Variants in TEK observed in about 807,000 individuals in gnomAD.
TEK encodes the protein TEK receptor tyrosine kinase, also known as angiopoietin-1 receptor.
Under a neutral mutation model 131.8 loss-of-function variants are expected in TEK, and 43 were observed. The ratio of observed to expected loss-of-function variants is 0.33; its 90% CI spans 0.26 to 0.42. TEK has a LOEUF of 0.42. Among genes scored for constraint, TEK ranks in the 10% least tolerant of loss-of-function variants. The probability of loss-of-function intolerance (pLI) is 1.00; values close to 1 mark genes in which losing one functional copy is unlikely to be tolerated. For missense variants in TEK, 1,162 were observed against 1,384.4 expected, an observed-to-expected ratio of 0.84 and a Z score of 2.55; for synonymous variants, 580 against 491.6, an observed-to-expected ratio of 1.18 and a Z score of -2.38.
At chr9:27,129,398 C>T (rs772929589) in intron 1 of TEK, among the ~76,000 whole-genome samples, 3 of 152,108 alleles carry the variant, frequency 2.0e-5, no homozygotes, top group Non-Finnish European at 4.4e-5. Context: ...CTTTCCAGTT[C>T]CCAGCCTACT....
chr9:27,193,950 G>C (rs1824918487), intron 11 of TEK, among the ~76,000 whole-genome samples: 1 of 152,060 alleles, frequency 6.6e-6, no homozygotes, highest in African/African-American at 2.4e-5. Flanking sequence ...GGGACTACAG[G>C]CACACCACCA....
At chr9:27,222,964 G>A (rs1826148900) in intron 21 of TEK, among the ~76,000 whole-genome samples, 2 of 151,980 alleles carry the variant, frequency 1.3e-5, no homozygotes, top group South Asian at 2.1e-4. Flanking sequence ...AAAAAGCAGG[G>A]GTTGCAATCC....
rs1586992195 is a variant in TEK at position 27,190,800 on chromosome 9, G to A, written c.1489+110G>A. On this transcript the variant is annotated intron_variant, in intron 10 of 22. Coordinates refer to ENST00000380036, the MANE Select transcript of TEK (RefSeq NM_000459.5). ...CTGCCTCAATCCTCTACCTCAAGGTGGTGGCTGTTGCAGAGGATTCTGTTT... is the reference window on the plus strand; with the variant it reads ...CTGCCTCAATCCTCTACCTCAAGGTAGTGGCTGTTGCAGAGGATTCTGTTT... 2.0e-6 allele frequency: 3 copies of A among 1,463,886 alleles called. 1 individual carries two copies. Among genetic ancestry groups the A allele is most frequent in the Middle Eastern group, 1.8e-4 (1 of 5,602 alleles). 90.7% of individuals were successfully genotyped at this position (1,463,886 alleles called of 1,614,324 possible).
intron 6 of TEK, among the ~76,000 whole-genome samples, chr9:27,178,690 A>C (rs1824256632): frequency 6.6e-6 from 1 of 152,278 alleles, no homozygotes; most frequent in South Asian, 2.1e-4. Context: ...CAGTTGACCA[A>C]AATAAGGACA....
In TEK at chr9:27,157,835, T is replaced by C. The variant is rs1430969702; in HGVS notation, c.57T>C (p.Thr19=). ...ATTGTCTCTCTTTCCTTTTAGGAACTGTGGAAGGTGCCATGGACTTGATCT... is the reference window on the plus strand; with the variant it reads ...ATTGTCTCTCTTTCCTTTTAGGAACCGTGGAAGGTGCCATGGACTTGATCT... ...LCGVSLLLSG[T]VEGAMDLILI... Residue 19 remains threonine (T), a synonymous_variant, in exon 2 of 23, where the codon ACT becomes ACC. Coordinates refer to ENST00000380036, the MANE Select transcript of TEK (RefSeq NM_000459.5). The C allele has an allele frequency of 1.2e-6, 2 of 1,614,080 alleles. No individual in the cohort carries two copies. The highest frequency in any genetic ancestry group is 1.1e-5 in the South Asian group (1 of 91,082).
intron 1 of TEK, among the ~76,000 whole-genome samples, chr9:27,133,713 G>A (rs1381584341): frequency 6.6e-6 from 1 of 152,194 alleles, no homozygotes; most frequent in Non-Finnish European, 1.5e-5. Flanking sequence ...CATGGATGGT[G>A]AGGGTGAGAC....
chr9:27,186,108 A>C (rs915531163), intron 9 of TEK, among the ~76,000 whole-genome samples: 2 of 152,206 alleles, frequency 1.3e-5, no homozygotes, highest in Non-Finnish European at 2.9e-5. Context: ...TTACTCACTT[A>C]ATAAGAAGCC....
At chr9:27,228,376 C>T (rs1002932302) in intron 22 of TEK, 71 bp downstream of exon 22, 38 of 1,220,656 alleles carry the variant, frequency 3.1e-5, no homozygotes, top group Admixed American at 2.6e-4. Flanking sequence ...TCATAAAAAA[C>T]ATTGAAATAA....
chr9:27,223,871 G>A (rs1826191520), intron 21 of TEK, among the ~76,000 whole-genome samples: 1 of 152,052 alleles, frequency 6.6e-6, no homozygotes, highest in African/African-American at 2.4e-5. Context: ...CTGCTAGCCA[G>A]ACTAATGAAG....
intron 6 of TEK, among the ~76,000 whole-genome samples, chr9:27,174,111 G>A (rs1459468369): frequency 2.6e-5 from 4 of 152,144 alleles, no homozygotes; most frequent in African/African-American, 7.2e-5. Context: ...GCTCTGTGGA[G>A]TGCATCTGAC....
In TEK at chr9:27,226,424, C is replaced by A. The variant is rs531373451; in HGVS notation, c.3201-1782C>A. 2.0e-5 allele frequency among the ~76,000 whole-genome samples: 3 copies of A among 152,312 alleles called. No individual in the cohort carries two copies. The East Asian group carries it at 5.8e-4, about 29-fold the overall frequency. On this transcript the variant is annotated intron_variant, in intron 21 of 22. Transcript: ENST00000380036. ...CCATAAGAAAGGATGAGTTCTTGTC[C>A]TTTGGACGGACATGGATGAAGCTGG...
intron 6 of TEK, among the ~76,000 whole-genome samples, chr9:27,179,824 C>G (rs1182816851): frequency 1.3e-5 from 2 of 152,154 alleles, no homozygotes; most frequent in Non-Finnish European, 2.9e-5. Flanking sequence ...GGCCAGTAGA[C>G]TGCAGGTTTT....
chr9:27,117,496 C>G (rs988903656), intron 1 of TEK, among the ~76,000 whole-genome samples: 5 of 152,168 alleles, frequency 3.3e-5, no homozygotes, highest in Non-Finnish European at 5.9e-5. Context: ...CCCCATTGTC[C>G]CCTTGTGTGC....
chr9:27,112,736 A>T (rs965146339), intron 1 of TEK, among the ~76,000 whole-genome samples: 1 of 152,192 alleles, frequency 6.6e-6, no homozygotes, highest in Admixed American at 6.5e-5. Context: ...GAGCTCACAG[A>T]ATCAGGATTT....
chr9:27,149,884 G>A (rs12348312), intron 1 of TEK, among the ~76,000 whole-genome samples: 8,032 of 152,138 alleles, frequency 0.053, 736 homozygotes, highest in African/African-American at 0.18. Flanking sequence ...TTCCCATACC[G>A]GGTATCCTGG....
Position 27,172,603 on chromosome 9 carries a change from T to G in TEK, c.629-13T>G, listed in dbSNP as rs1244369053. 1 of 1,613,246 alleles carries G rather than the reference T, an allele frequency of 6.2e-7. No individual in the cohort carries two copies. The highest frequency in any genetic ancestry group is 8.5e-7 in the Non-Finnish European group (1 of 1,179,352). Reference sequence around the variant, plus strand: ...CGCTCTACTCACCACAGCCTTGTTTTCCTTAACAAAAGGATGTGAAGCCCA... The same window carrying G: ...CGCTCTACTCACCACAGCCTTGTTTGCCTTAACAAAAGGATGTGAAGCCCA... On this transcript the variant is annotated splice_polypyrimidine_tract_variant and intron_variant, in intron 4 of 22. Coordinates refer to ENST00000380036, the MANE Select transcript of TEK (RefSeq NM_000459.5).
At position 27,197,370 on chromosome 9, in the gene TEK, T is replaced by G. The variant is rs35357088; in HGVS notation, c.1680T>G (p.Asn560Lys). Reference protein sequence around the residue: ...NLLPKSQTTLNLTWQPIFPSS... With the variant: ...NLLPKSQTTLKLTWQPIFPSS... ...TGCCTAAAAGTCAGACCACTCTAAATTTGACCTGGCAACCAATATTTCCAA... is the reference window on the plus strand; with the variant it reads ...TGCCTAAAAGTCAGACCACTCTAAAGTTGACCTGGCAACCAATATTTCCAA... Residue 560 changes from asparagine to lysine, a missense_variant, in exon 12 of 23, where the codon AAT (asparagine) becomes AAG (lysine). Physicochemically the swap from Asn to Lys is moderately conservative, Grantham distance 94 (BLOSUM62 0). This residue lies in a region of TEK where 477 missense variants were observed against 471.0 expected (regional missense o/e 1.01). Coordinates refer to ENST00000380036, the MANE Select transcript of TEK (RefSeq NM_000459.5). 6.2e-7 allele frequency: 1 copy of G among 1,614,074 alleles called. No individual in the cohort carries two copies. The highest frequency in any genetic ancestry group is 8.5e-7 in the Non-Finnish European group (1 of 1,179,978).
rs10700803 is a variant in TEK at position 27,123,052 on chromosome 9, C to CAAAAAA, written c.52+13431_52+13436dup. Among the ~76,000 whole-genome samples, 28 of 34,710 alleles carry CAAAAAA rather than the reference C, an allele frequency of 8.1e-4. 6 individuals carry two copies. Among genetic ancestry groups the CAAAAAA allele is most frequent in the African/African-American group, 3.3e-3 (23 of 7,014 alleles). The allele number at this position is 34,710 out of a possible 152,430, so 22.8% of individuals were successfully genotyped here. On this transcript the variant is annotated intron_variant, in intron 1 of 22. Transcript: ENST00000380036. The stretch of plus-strand genomic sequence containing the variant: ...TGGGTGACAGAGCGAGACTCTGTCT[C>CAAAAAA]AAAAAAAAAAAAAAAAAAAAAAAAA...
intron 17 of TEK, 148 bp downstream of exon 17, chr9:27,213,045 C>A: frequency 1.2e-6 from 1 of 823,686 alleles, no homozygotes; most frequent in Non-Finnish European, 1.9e-6. Context: ...AATAGTCCAT[C>A]TATTTAAAGA....
Sources: allele counts gnomAD v4.1 joint callset (sites outside exome capture counted in the v4.1 genomes callset), GRCh38; gene constraint gnomAD v4.1.1; regional missense constraint gnomAD v4.1.1; transcripts MANE v1.5; gene names NCBI Gene and HGNC (gene_info 2026-07-23, HGNC 2026-07-21).